The following KALRN variants were observed in gnomAD, a reference collection of about 807,000 sequenced individuals.
KALRN encodes kalirin.
In KALRN, 70 loss-of-function variants were observed where a neutral mutation model predicts 353.7. The ratio of observed to expected loss-of-function variants is 0.20; its 90% CI spans 0.16 to 0.24. KALRN has a LOEUF of 0.24. Ranked by LOEUF, KALRN falls within the 10% of genes least tolerant of loss-of-function variation. The pLI is 1.00. For missense variants in KALRN, 2,791 were observed against 3,756.7 expected (o/e 0.74, Z 6.72); for synonymous variants, 1,391 against 1,434.8 (o/e 0.97, Z 0.69).
At chr3:124,269,585 G>T (rs1259316846) in intron 5 of KALRN, among the ~76,000 whole-genome samples, 1 of 152,154 alleles carries the variant, frequency 6.6e-6, no homozygotes, top group African/African-American at 2.4e-5. Flanking sequence ...TGGCTCCAGG[G>T]TCCCTGCTTT....
At chr3:124,460,963 C>A (rs1353666538) in intron 23 of KALRN, among the ~76,000 whole-genome samples, 1 of 152,146 alleles carries the variant, frequency 6.6e-6, no homozygotes, top group Non-Finnish European at 1.5e-5. Context: ...TTATACTGTG[C>A]TTATGGTTGC....
At chr3:124,558,536 C>T (rs753782340) in intron 33 of KALRN, among the ~76,000 whole-genome samples, 1 of 152,232 alleles carries the variant, frequency 6.6e-6, no homozygotes, top group African/African-American at 2.4e-5. Context: ...CCCTCGGCCT[C>T]CCGAAATGCT....
intron 1 of KALRN, among the ~76,000 whole-genome samples, chr3:124,177,281 T>C (rs1207290620): frequency 6.6e-6 from 1 of 152,236 alleles, no homozygotes; most frequent in African/African-American, 2.4e-5. Flanking sequence ...GGCAAGACTA[T>C]TGCTTGGCAA....
At chr3:124,076,553 T>C (rs142801725) in intron 1 of KALRN, among the ~76,000 whole-genome samples, 9 of 152,314 alleles carry the variant, frequency 5.9e-5, no homozygotes, top group African/African-American at 1.9e-4. Context: ...GCATCTTCCA[T>C]TGAGGGAAAA....
At chr3:124,074,255 C>G (rs2060158760) in intron 1 of KALRN, among the ~76,000 whole-genome samples, 1 of 152,154 alleles carries the variant, frequency 6.6e-6, no homozygotes, top group Non-Finnish European at 1.5e-5. Flanking sequence ...TTTTAGAATT[C>G]TCAGTTCATA....
chr3:124,664,371 G>GTGTGTGCGCGCGCGCGCGCA (rs780486751), intron 45 of KALRN, among the ~76,000 whole-genome samples: 2 of 77,044 alleles, frequency 2.6e-5, no homozygotes, highest in Admixed American at 2.5e-4. Context: ...GTGTGTGTGT[G>GTGTGTGCGCGCGCGCGCGCA]CGCGCGCGCG....
intron 9 of KALRN, among the ~76,000 whole-genome samples, chr3:124,339,602 GC>G (rs1482100011): frequency 3.3e-5 from 5 of 152,200 alleles, no homozygotes; most frequent in Non-Finnish European, 5.9e-5. Flanking sequence ...TGCTCAGTGT[GC>G]TGTGTGAGGA....
At chr3:124,556,788 A>G (rs1156355946) in intron 33 of KALRN, among the ~76,000 whole-genome samples, 1 of 152,228 alleles carries the variant, frequency 6.6e-6, no homozygotes, top group Non-Finnish European at 1.5e-5. Flanking sequence ...GGAGATCAGA[A>G]AGCCAGAGGG....
intron 33 of KALRN, among the ~76,000 whole-genome samples, chr3:124,527,159 A>G (rs749357372): frequency 1.3e-5 from 2 of 152,354 alleles, no homozygotes; most frequent in Non-Finnish European, 2.9e-5. Context: ...AATGACTGAC[A>G]CAATCAGGGC....
At chr3:124,434,627 T>C in intron 17 of KALRN, 102 bp downstream of exon 17, 1 of 964,048 alleles carries the variant, frequency 1.0e-6, no homozygotes, top group Non-Finnish European at 1.6e-6. Flanking sequence ...GAGAAGCCTG[T>C]CCTTTCAGTA....
chr3:124,706,318 A>G (rs924723219), intron 57 of KALRN, among the ~76,000 whole-genome samples: 12 of 152,224 alleles, frequency 7.9e-5, no homozygotes, highest in East Asian at 3.8e-4. Flanking sequence ...ATGAGAATGT[A>G]TGCATGCTGG....
At chr3:124,610,739 G>A (rs1014344388) in intron 34 of KALRN, among the ~76,000 whole-genome samples, 1 of 152,108 alleles carries the variant, frequency 6.6e-6, no homozygotes, top group African/African-American at 2.4e-5. Context: ...GACTAGGCAG[G>A]GTGGCTTACA....
At chr3:124,564,129 C>T (rs1181625829) in intron 34 of KALRN, among the ~76,000 whole-genome samples, 4 of 142,840 alleles carry the variant, frequency 2.8e-5, no homozygotes, top group South Asian at 4.6e-4. Flanking sequence ...GGCGTGAACC[C>T]GGGAGGCGGA....
At chr3:124,696,437 T>C (rs1221643493) in intron 54 of KALRN, among the ~76,000 whole-genome samples, 182 bp downstream of exon 54, 1 of 152,196 alleles carries the variant, frequency 6.6e-6, no homozygotes, top group African/African-American at 2.4e-5. Context: ...TAATTTTTTT[T>C]GCATTTTTTG....
intron 1 of KALRN, among the ~76,000 whole-genome samples, chr3:124,034,329 A>G (rs935649291): frequency 6.6e-6 from 1 of 151,990 alleles, no homozygotes; most frequent in Non-Finnish European, 1.5e-5. Flanking sequence ...AGTGGGGCGG[A>G]AGACATCGGT....
At chr3:124,612,920 A>G (rs1402467803) in intron 34 of KALRN, among the ~76,000 whole-genome samples, 1 of 151,680 alleles carries the variant, frequency 6.6e-6, no homozygotes, top group East Asian at 1.9e-4. Flanking sequence ...TAAATAATAC[A>G]AGAGACATTA....
intron 1 of KALRN, chr3:124,094,607 C>G: frequency 1.7e-6 from 1 of 573,958 alleles, no homozygotes; most frequent in South Asian, 2.0e-5. Flanking sequence ...CAGGCAGGCT[C>G]GGTCTGCACA....
intron 34 of KALRN, among the ~76,000 whole-genome samples, chr3:124,571,340 G>T (rs373715221): frequency 6.6e-6 from 1 of 152,160 alleles, no homozygotes; most frequent in South Asian, 2.1e-4. Flanking sequence ...AATGTCCTTG[G>T]ATTTGAGAAC....
chr3:124,567,164 G>A (rs2072947955), intron 34 of KALRN, among the ~76,000 whole-genome samples: 2 of 152,138 alleles, frequency 1.3e-5, no homozygotes. Flanking sequence ...CTCTGGATGG[G>A]GCCTGAGGGT....
Sources: allele counts gnomAD v4.1 joint callset (sites outside exome capture counted in the v4.1 genomes callset), GRCh38; gene constraint gnomAD v4.1.1; transcripts MANE v1.5; gene names NCBI Gene and HGNC (gene_info 2026-07-23, HGNC 2026-07-21).